Variants in PAPPA2 observed in about 807,000 individuals in gnomAD.
PAPPA2 encodes pappalysin 2.
Under a neutral mutation model 176.4 loss-of-function variants are expected in PAPPA2, and 86 were observed. The observed-to-expected ratio is 0.49, with a 90% CI of 0.41 to 0.58. The LOEUF (loss-of-function observed/expected upper bound fraction) is 0.58, where lower values mean the gene tolerates loss of function less well. PAPPA2 is among the 20% of genes least tolerant of loss of function. The pLI, the probability that PAPPA2 is intolerant of heterozygous loss-of-function variation, is 0.00. For synonymous variants in PAPPA2, 809 were observed against 852.2 expected (o/e 0.95, Z 0.88); for missense variants, 2,073 against 2,256.9 (o/e 0.92, Z 1.65).
chr1:176,634,712 T>C (rs888244980), intron 3 of PAPPA2, among the ~76,000 whole-genome samples: 2 of 151,920 alleles, frequency 1.3e-5, no homozygotes, highest in African/African-American at 2.4e-5. Context: ...CAGATGTCTG[T>C]AGTCTGGGAA....
intron 21 of PAPPA2, among the ~76,000 whole-genome samples, chr1:176,831,374 C>T (rs12144637): frequency 0.059 from 8,988 of 152,274 alleles, 347 homozygotes; most frequent in Non-Finnish European, 0.086. Context: ...ATAAAAACTT[C>T]ACAGAAGTGC....
At chr1:176,593,239 AG>A (rs1399833651) in intron 2 of PAPPA2, among the ~76,000 whole-genome samples, 1 of 152,244 alleles carries the variant, frequency 6.6e-6, no homozygotes, top group African/African-American at 2.4e-5. Context: ...CCGTCAGAAT[AG>A]GAAGCCTCAT....
At chr1:176,810,098 G>T (rs1666083549) in intron 21 of PAPPA2, among the ~76,000 whole-genome samples, 1 of 151,976 alleles carries the variant, frequency 6.6e-6, no homozygotes, top group South Asian at 2.1e-4. Flanking sequence ...TCTAAAAAGT[G>T]AAATGAAATA....
At chr1:176,575,919 T>C (rs1652613887) in intron 2 of PAPPA2, among the ~76,000 whole-genome samples, 1 of 152,236 alleles carries the variant, frequency 6.6e-6, no homozygotes, top group Non-Finnish European at 1.5e-5. Context: ...TGTTTTCTAA[T>C]AAGTAGGCTG....
intron 15 of PAPPA2, among the ~76,000 whole-genome samples, chr1:176,766,082 T>A (rs1362500233): frequency 6.6e-6 from 1 of 152,230 alleles, no homozygotes; most frequent in Non-Finnish European, 1.5e-5. Flanking sequence ...TTCTTCTCCC[T>A]TGTTTATTTC....
chr1:176,676,337 CAA>C (rs1169138797), intron 4 of PAPPA2, among the ~76,000 whole-genome samples: 1 of 151,798 alleles, frequency 6.6e-6, no homozygotes, highest in Non-Finnish European at 1.5e-5. Flanking sequence ...CTGGAAATGG[CAA>C]AAGTGTCCTT....
chr1:176,656,316 A>G (rs1658027519), intron 3 of PAPPA2, among the ~76,000 whole-genome samples: 1 of 151,720 alleles, frequency 6.6e-6, no homozygotes, highest in South Asian at 2.1e-4. Flanking sequence ...TATATCTGAA[A>G]CAGCCAAACT....
In PAPPA2 at chr1:176,842,722, G is replaced by C; in HGVS notation, c.*268G>C. The C allele has an allele frequency of 2.2e-6, 1 of 445,124 alleles. No individual in the cohort carries two copies. Among genetic ancestry groups the C allele is most frequent in the Non-Finnish European group, 4.1e-6 (1 of 245,228 alleles). The allele number at this position is 445,124 out of a possible 1,614,324, so 27.6% of individuals were successfully genotyped here. On this transcript the variant is annotated 3_prime_UTR_variant, in exon 23 of 23. Coordinates refer to ENST00000367662, the MANE Select transcript of PAPPA2 (RefSeq NM_020318.3). ...AGGGGAAATATGATAGATATATAAGGACCCTCCTCCCTCACTTATATTCTA... is the reference window on the plus strand; with the variant it reads ...AGGGGAAATATGATAGATATATAAGCACCCTCCTCCCTCACTTATATTCTA...
intron 21 of PAPPA2, among the ~76,000 whole-genome samples, chr1:176,801,360 T>C (rs1242325423): frequency 1.3e-5 from 2 of 152,138 alleles, no homozygotes; most frequent in Non-Finnish European, 2.9e-5. Flanking sequence ...CATTCTTCTG[T>C]ATCTCTGTGT....
chr1:176,819,258 G>A (rs1022523), intron 21 of PAPPA2, among the ~76,000 whole-genome samples: 118,383 of 152,046 alleles, frequency 0.78, 46,598 homozygotes, highest in African/African-American at 0.9. Context: ...GAAGAGTAAA[G>A]TTGGCAAGAG....
intron 3 of PAPPA2, among the ~76,000 whole-genome samples, chr1:176,635,480 C>CA (rs1656642512): frequency 1.3e-5 from 2 of 152,104 alleles, no homozygotes; most frequent in South Asian, 4.1e-4. Context: ...TTTGGCCAGC[C>CA]ATCTTAGAAT....
intron 3 of PAPPA2, among the ~76,000 whole-genome samples, chr1:176,599,676 T>G (rs1019190770): frequency 5.3e-5 from 8 of 151,856 alleles, no homozygotes; most frequent in African/African-American, 1.9e-4. Flanking sequence ...GTGATTCATT[T>G]GGAATTGTTT....
intron 3 of PAPPA2, among the ~76,000 whole-genome samples, chr1:176,623,726 C>CTTTCTTTCTTTCTCTT (rs773945753): frequency 1.0e-5 from 1 of 97,430 alleles, no homozygotes; most frequent in Non-Finnish European, 2.0e-5. Context: ...TTCTTTCTTT[C>CTTTCTTTCTTTCTCTT]TCTTTCTTTC....
intron 12 of PAPPA2, among the ~76,000 whole-genome samples, chr1:176,734,285 A>G (rs995526919): frequency 6.6e-6 from 1 of 151,994 alleles, no homozygotes; most frequent in Non-Finnish European, 1.5e-5. Context: ...ACCCCCTTCC[A>G]TGGACTTGAC....
At chr1:176,570,663 C>A (rs1652272050) in intron 2 of PAPPA2, among the ~76,000 whole-genome samples, 1 of 150,776 alleles carries the variant, frequency 6.6e-6, no homozygotes, top group South Asian at 2.1e-4. Context: ...CTTTGGACCA[C>A]CTCCTTGTGC....
At chr1:176,530,817 T>C (rs1649770921) in intron 1 of PAPPA2, among the ~76,000 whole-genome samples, 1 of 152,182 alleles carries the variant, frequency 6.6e-6, no homozygotes, top group South Asian at 2.1e-4. Flanking sequence ...GGAGTTCCCT[T>C]AGAGATGGGG....
At chr1:176,601,934 G>A (rs1219873183) in intron 3 of PAPPA2, among the ~76,000 whole-genome samples, 1 of 152,116 alleles carries the variant, frequency 6.6e-6, no homozygotes, top group Non-Finnish European at 1.5e-5. Flanking sequence ...TCGCAATAGA[G>A]TTGAGCAAGT....
rs140280067 is a variant in PAPPA2 at position 176,617,545 on chromosome 1, T to G, written c.1991+21950T>G. Among the ~76,000 whole-genome samples, 779 of 152,266 alleles carry G rather than the reference T, an allele frequency of 5.1e-3. 13 individuals carry two copies. Among genetic ancestry groups the G allele is most frequent in the African/African-American group, 0.018 (754 of 41,548 alleles). ...TTAGCTATGATACTTAGTTTTTCAT[T>G]CCTGAGTTACTTCACTTAGAATAAT... On this transcript the variant is annotated intron_variant, in intron 3 of 22. Coordinates refer to ENST00000367662, the MANE Select transcript of PAPPA2 (RefSeq NM_020318.3).
At chr1:176,467,817 C>T (rs551591777) in intron 1 of PAPPA2, among the ~76,000 whole-genome samples, 2 of 152,300 alleles carry the variant, frequency 1.3e-5, no homozygotes, top group South Asian at 2.1e-4. Context: ...TGGTACTTCA[C>T]GAATCCATTT....
Sources: gnomAD v4.1 joint callset for allele counts (sites outside exome capture counted in the v4.1 genomes callset) on GRCh38, gnomAD v4.1.1 for gene constraint, MANE v1.5 for transcripts, NCBI Gene and HGNC (gene_info 2026-07-23, HGNC 2026-07-21) for gene names.